ECE1: variants seen among roughly 807,000 people sequenced by gnomAD.
The protein encoded by ECE1 is endothelin-converting enzyme 1.
A neutral mutation model predicts 98.6 loss-of-function variants in ECE1; 35 were observed. The ratio of observed to expected loss-of-function variants is 0.35; its 90% CI spans 0.27 to 0.47. ECE1 has a LOEUF of 0.47. Among genes scored for constraint, ECE1 ranks in the 20% least tolerant of loss-of-function variants. The pLI is 1.00. For missense variants in ECE1, 814 were observed against 1,025.3 expected, an observed-to-expected ratio of 0.79 and a Z score of 2.81; for synonymous variants, 394 against 407.1, an observed-to-expected ratio of 0.97 and a Z score of 0.39.
At chr1:21,286,007 A>G (rs188296518) in intron 2 of ECE1, among the ~76,000 whole-genome samples, 14 of 151,858 alleles carry the variant, frequency 9.2e-5, no homozygotes, top group African/African-American at 2.9e-4. Flanking sequence ...AAAAAAAAAA[A>G]AGAGAAGAGA....
At chr1:21,310,215 C>T (rs1638687997) in intron 1 of ECE1, among the ~76,000 whole-genome samples, 2 of 152,296 alleles carry the variant, frequency 1.3e-5, no homozygotes, top group South Asian at 4.1e-4. Flanking sequence ...TTTCTCTCCC[C>T]TGCCTCATCT....
chr1:21,247,212 T>G lies in ECE1; in HGVS notation c.1163+9A>C, dbSNP rs41319152. The G allele has an allele frequency of 1.2e-3, 1,957 of 1,613,762 alleles. No homozygotes were observed. Among genetic ancestry groups the G allele is most frequent in the Admixed American group, 1.9e-3 (114 of 59,974 alleles). ...GAGGCGTGCCCCAGGCCACTGGGGG[T>G]CCTCTTACCATCTGTCGGTGGTGTT... On this transcript the variant is annotated intron_variant, in intron 9 of 18. Transcript: ENST00000374893.
chr1:21,319,824 G>A lies in ECE1; in HGVS notation c.3+25552C>T, dbSNP rs1049462497. Reference sequence around the variant, plus strand: ...GCTGAGACAGGCTGAACAAACACACGCGGTCCCATGGCTTCTAGTGCCAGC... The same window carrying A: ...GCTGAGACAGGCTGAACAAACACACACGGTCCCATGGCTTCTAGTGCCAGC... On this transcript the variant is annotated intron_variant, in intron 1 of 18. Transcript: ENST00000415912. This position sits in a 1 kb window ranked among gnomAD's most constrained non-coding sequence, Gnocchi z 4.4. Among the ~76,000 whole-genome samples, 30 of 152,138 alleles carry A rather than the reference G, an allele frequency of 2.0e-4. No homozygotes were observed. The highest frequency in any genetic ancestry group is 1.2e-4 in the Non-Finnish European group (8 of 68,016).
chr1:21,279,843 C>A, intron 2 of ECE1: 1 of 522,792 alleles, frequency 1.9e-6, no homozygotes, highest in South Asian at 6.7e-5. Flanking sequence ...TGTTATTTTT[C>A]TTTTTACAAG....
At chr1:21,223,119 T>G (rs1377922856) in intron 17 of ECE1, among the ~76,000 whole-genome samples, 1 of 150,396 alleles carries the variant, frequency 6.6e-6, no homozygotes, top group African/African-American at 2.4e-5. Context: ...GAACCACAGA[T>G]GCACGCCACC....
At chr1:21,226,131 GT>G (rs1392386558) in intron 16 of ECE1, among the ~76,000 whole-genome samples, 1 of 152,198 alleles carries the variant, frequency 6.6e-6, no homozygotes, top group Non-Finnish European at 1.5e-5. Flanking sequence ...CCGCCCGGGA[GT>G]GCCCAAGGAA....
intron 8 of ECE1, 102 bp from the exon 9 acceptor site, chr1:21,247,465 T>C (rs746595211): frequency 1.4e-4 from 228 of 1,576,098 alleles, no homozygotes; most frequent in Non-Finnish European, 1.8e-4. Flanking sequence ...GAGCTTGGGC[T>C]TGGCGCCATC....
At chr1:21,256,956 C>T (rs1336269274) in intron 7 of ECE1, among the ~76,000 whole-genome samples, 9 of 152,014 alleles carry the variant, frequency 5.9e-5, no homozygotes, top group Non-Finnish European at 1.0e-4. Context: ...TACATGCCGG[C>T]GGAAGGATGA....
At chr1:21,334,105 C>T (rs1353198571) in intron 1 of ECE1, among the ~76,000 whole-genome samples, 2 of 152,212 alleles carry the variant, frequency 1.3e-5, no homozygotes, top group Non-Finnish European at 2.9e-5. Context: ...AACCTCCATA[C>T]CTCCATCTTA....
At chr1:21,332,331 T>G (rs1281621386) in intron 1 of ECE1, among the ~76,000 whole-genome samples, 7 of 152,024 alleles carry the variant, frequency 4.6e-5, no homozygotes, top group Admixed American at 4.6e-4. Context: ...ATCAGAACCC[T>G]GCCTAGTAAT....
At chr1:21,292,593 G>A (rs1638228383), upstream of ECE1, among the ~76,000 whole-genome samples, 1 of 152,146 alleles carries the variant, frequency 6.6e-6, no homozygotes, top group Non-Finnish European at 1.5e-5. Flanking sequence ...TCCCTCTCCA[G>A]AATCCACAGC....
At chr1:21,249,590 G>C (rs2098209454) in intron 8 of ECE1, among the ~76,000 whole-genome samples, 2 of 151,990 alleles carry the variant, frequency 1.3e-5, no homozygotes, top group South Asian at 4.1e-4. Context: ...TCCCAGGTGG[G>C]AGAATTGCTT....
intron 1 of ECE1, among the ~76,000 whole-genome samples, chr1:21,333,487 T>C (rs529288768): frequency 8.5e-5 from 13 of 152,216 alleles, no homozygotes; most frequent in African/African-American, 2.9e-4. Flanking sequence ...AAACAGCATA[T>C]GTGAGGGCCA....
chr1:21,275,350 T>G (rs1365612774), intron 3 of ECE1, among the ~76,000 whole-genome samples: 1 of 152,130 alleles, frequency 6.6e-6, no homozygotes, highest in Non-Finnish European at 1.5e-5. Flanking sequence ...ATCCCAGCAC[T>G]CTGGGAGGCC....
At chr1:21,318,119 G>A (rs1638872234) in intron 1 of ECE1, among the ~76,000 whole-genome samples, 1 of 152,238 alleles carries the variant, frequency 6.6e-6, no homozygotes, top group Non-Finnish European at 1.5e-5. Flanking sequence ...TCAAGTGATA[G>A]CTGTTGGACT....
At chr1:21,301,080 C>T (rs1271688136) in intron 1 of ECE1, among the ~76,000 whole-genome samples, 1 of 148,798 alleles carries the variant, frequency 6.7e-6, no homozygotes, top group Non-Finnish European at 1.5e-5. Flanking sequence ...TGTGTCTCCT[C>T]CTGACCCTCT....
At position 21,260,411 on chromosome 1, in the gene ECE1, G is replaced by T; in HGVS notation, c.494-19C>A. On this transcript the variant is annotated intron_variant, in intron 4 of 18. Transcript: ENST00000374893. This position sits in a 1 kb window ranked among gnomAD's most constrained non-coding sequence, Gnocchi z 4.3. ...GAGTTTTCTGGAACAACAGACAGTGGAGTTTGCAATGCGGCCCCACTTGCC... is the reference window on the plus strand; with the variant it reads ...GAGTTTTCTGGAACAACAGACAGTGTAGTTTGCAATGCGGCCCCACTTGCC... 1 of 1,614,184 alleles carries T rather than the reference G, an allele frequency of 6.2e-7. No homozygotes were observed.
chr1:21,301,495 A>AAAAC (rs139949223), intron 1 of ECE1, among the ~76,000 whole-genome samples: 265 of 150,864 alleles, frequency 1.8e-3, no homozygotes, highest in Middle Eastern at 0.017. Flanking sequence ...TCCGTCTCAA[A>AAAAC]AAACAAACAA....
chr1:21,344,257 G>A (rs1047551280), intron 1 of ECE1, among the ~76,000 whole-genome samples: 1 of 152,158 alleles, frequency 6.6e-6, no homozygotes, highest in South Asian at 2.1e-4. Context: ...TTTACAGGGG[G>A]TCCCATCCTG....
Sources: gnomAD v4.1 joint callset for allele counts (sites outside exome capture counted in the v4.1 genomes callset) on GRCh38, gnomAD v4.1.1 for gene constraint, Gnocchi (gnomAD v3.1) non-coding constraint, MANE v1.5 for transcripts, NCBI Gene and HGNC (gene_info 2026-07-23, HGNC 2026-07-21) for gene names.